Variants in ATP6V1C2 observed in about 807,000 individuals in gnomAD.
ATP6V1C2 encodes the protein V-type proton ATPase subunit C 2.
In ATP6V1C2, 45 loss-of-function variants were observed where a neutral mutation model predicts 56.8. That is an observed-to-expected ratio of 0.79 (90% confidence interval 0.62 to 1.02). The LOEUF is 1.02. Ranked by LOEUF, ATP6V1C2 falls within the 50% of genes least tolerant of loss-of-function variation. The pLI, the probability that ATP6V1C2 is intolerant of heterozygous loss-of-function variation, is 0.00. For missense variants in ATP6V1C2, 463 were observed against 519.7 expected, an observed-to-expected ratio of 0.89 and a Z score of 1.06; for synonymous variants, 220 against 201.3, an observed-to-expected ratio of 1.09 and a Z score of -0.79.
rs1219788802 is a variant in ATP6V1C2, at chr2:10,780,383, C to T, written c.1061+1714C>T. On this transcript the variant is annotated intron_variant, in intron 12 of 13. Coordinates refer to ENST00000272238, the MANE Select transcript of ATP6V1C2 (RefSeq NM_001039362.2). This position sits in a 1 kb window ranked among gnomAD's most constrained non-coding sequence, Gnocchi z 4.1. ...CATAAGCCTCCTCTCTGTTCTTGGC[C>T]TCCAATTCCCCTTCCATGTGGCTGT... 1.3e-5 allele frequency among the ~76,000 whole-genome samples: 2 copies of T among 152,210 alleles called. No individual in the cohort carries two copies. Among genetic ancestry groups the T allele is most frequent in the Non-Finnish European group, 2.9e-5 (2 of 68,034 alleles).
At chr2:10,735,787 T>C (rs1271014232) in intron 3 of ATP6V1C2, among the ~76,000 whole-genome samples, 2 of 151,076 alleles carry the variant, frequency 1.3e-5, no homozygotes, top group African/African-American at 2.4e-5. Flanking sequence ...GGGGTCTCTT[T>C]ATGTTGCCCA....
chr2:10,749,695 A>T (rs1266394426), intron 3 of ATP6V1C2, among the ~76,000 whole-genome samples: 1 of 152,128 alleles, frequency 6.6e-6, no homozygotes, highest in Non-Finnish European at 1.5e-5. Flanking sequence ...TTCCTTAGCA[A>T]CTTATTTTTT....
chr2:10,747,778 C>G (rs1663001455), intron 3 of ATP6V1C2, among the ~76,000 whole-genome samples: 1 of 152,050 alleles, frequency 6.6e-6, no homozygotes, highest in African/African-American at 2.4e-5. Context: ...AGATGGCTTC[C>G]TGTCTTCTGT....
chr2:10,778,965 C>T (rs1388762794), intron 12 of ATP6V1C2, among the ~76,000 whole-genome samples: 1 of 152,342 alleles, frequency 6.6e-6, no homozygotes, highest in South Asian at 2.1e-4. Flanking sequence ...CTGTCCCCAC[C>T]CTCGTGAAGC....
rs1296906721 is a variant in ATP6V1C2, at chr2:10,784,960, C to G, written c.*1697C>G. The G allele has an allele frequency of 4.4e-6, 7 of 1,591,046 alleles. No homozygotes were observed. Among genetic ancestry groups the G allele is most frequent in the African/African-American group, 2.7e-5 (2 of 74,546 alleles). ...TCGCCATCCCTGCCGTCCCAAGGCT[C>G]TCTCTCAACGATGGTAGGGAAAGCC... is the stretch of plus-strand genomic sequence containing the variant. On this transcript the variant is annotated 3_prime_UTR_variant, in exon 14 of 14. Transcript: ENST00000272238.
In ATP6V1C2 at chr2:10,743,981, CA is replaced by C. The variant is rs61311440; in HGVS notation, c.198-9984del. The stretch of plus-strand genomic sequence containing the variant: ...CCTGGGCAACAGCGAGATTCAGTCT[CA>C]AAAAAAAAAAAAAAATAATAATAAT... On this transcript the variant is annotated intron_variant, in intron 3 of 13. Coordinates refer to ENST00000272238, the MANE Select transcript of ATP6V1C2 (RefSeq NM_001039362.2). Among the ~76,000 whole-genome samples, 715 of 90,696 alleles carry C rather than the reference CA, an allele frequency of 7.9e-3. 10 individuals are homozygous for C. Among genetic ancestry groups the C allele is most frequent in the African/African-American group, 0.021 (673 of 31,512 alleles). 59.5% of individuals were successfully genotyped at this position (90,696 alleles called of 152,430 possible). A position where few individuals can be genotyped will look rare whatever the true frequency, so the allele number is the denominator to read the frequency against.
intron 3 of ATP6V1C2, among the ~76,000 whole-genome samples, chr2:10,740,586 C>G (rs1333457455): frequency 6.6e-6 from 1 of 152,142 alleles, no homozygotes; most frequent in Admixed American, 6.6e-5. Context: ...GGGGGATTGC[C>G]CAGTGATTCC....
At chr2:10,770,268 C>T (rs1438044578) in intron 6 of ATP6V1C2, among the ~76,000 whole-genome samples, 1 of 152,032 alleles carries the variant, frequency 6.6e-6, no homozygotes, top group African/African-American at 2.4e-5. Flanking sequence ...CGTCATGGTG[C>T]GTGCCTGTAA....
At chr2:10,779,831 T>G (rs6714903) in intron 12 of ATP6V1C2, among the ~76,000 whole-genome samples, 23,382 of 151,684 alleles carry the variant, frequency 0.15, 2,510 homozygotes, top group African/African-American at 0.3. Context: ...TAGGTGTAGG[T>G]TTTGTTGTTT....
chr2:10,740,656 C>G (rs912191978), intron 3 of ATP6V1C2, among the ~76,000 whole-genome samples: 1 of 152,106 alleles, frequency 6.6e-6, no homozygotes, highest in African/African-American at 2.4e-5. Flanking sequence ...GAGTTCAGGT[C>G]CTCCTTACCT....
At position 10,784,771 on chromosome 2, in the gene ATP6V1C2, TAAGG is replaced by T. The variant is rs943199817; in HGVS notation, c.*1512_*1515del. 27 of 584,034 alleles carry T rather than the reference TAAGG, an allele frequency of 4.6e-5. No individual in the cohort carries two copies. The highest frequency in any genetic ancestry group is 4.5e-4 in the African/African-American group (24 of 53,198). The allele number at this position is 584,034 out of a possible 1,614,324, so 36.2% of individuals were successfully genotyped here. On this transcript the variant is annotated 3_prime_UTR_variant, in exon 14 of 14. Transcript: ENST00000272238. ...TGCCATGCAGCACTTAAACTTGTGA[TAAGG>T]AAGATGAAGGGTCTTCAGAGAAGAA...
chr2:10,778,620 G>A lies in ATP6V1C2; in HGVS notation c.1012G>A (p.Ala338Thr), dbSNP rs757384282. 1 of 1,614,086 alleles carries A rather than the reference G, an allele frequency of 6.2e-7. No individual in the cohort carries two copies. Among genetic ancestry groups the A allele is most frequent in the African/African-American group, 1.3e-5 (1 of 74,926 alleles). ...GGTGAACTTCAGTGAAGCCTTCATT[G>A]CCTGGATCCACATCAAGGCCCTGAG... The part of the protein sequence containing the change: ...LKVNFSEAFI[A>T]WIHIKALRVF... The change falls in exon 12 of 14, where the codon GCC becomes ACC. Residue 338 changes from alanine to threonine, a missense_variant. Ala to Thr is a moderately conservative substitution (Grantham distance 58). Transcript: ENST00000272238.
intron 4 of ATP6V1C2, among the ~76,000 whole-genome samples, chr2:10,760,351 A>T (rs982124341): frequency 6.6e-6 from 1 of 151,862 alleles, no homozygotes; most frequent in African/African-American, 2.4e-5. Flanking sequence ...AGCCTGGGCG[A>T]CAGAACGAGA....
At position 10,782,288 on chromosome 2, in the gene ATP6V1C2, T is replaced by C; in HGVS notation, c.1107T>C (p.His369=). Residue 369 remains histidine (H), a synonymous_variant, in exon 13 of 14, where the codon CAT becomes CAC. Coordinates refer to ENST00000272238, the MANE Select transcript of ATP6V1C2 (RefSeq NM_001039362.2). ...VNFQAVLLQP[H]KKSSTKRLRE... is the part of the protein sequence containing the mutation. ...TCCAGGCAGTGCTCCTGCAGCCGCA[T>C]AAGAAGTCATCCACCAAGCGTTTAA... 6.2e-7 allele frequency: 1 copy of C among 1,614,244 alleles called. No homozygotes were observed. The highest frequency in any genetic ancestry group is 8.5e-7 in the Non-Finnish European group (1 of 1,180,040).
intron 10 of ATP6V1C2, 28 bp from the exon 11 acceptor site, chr2:10,777,557 G>A (rs1665074893): frequency 6.2e-7 from 1 of 1,600,592 alleles, no homozygotes; most frequent in African/African-American, 1.3e-5. Flanking sequence ...TTTGCTGAAA[G>A]ATTAATAAAT....
intron 4 of ATP6V1C2, among the ~76,000 whole-genome samples, chr2:10,760,366 T>C (rs1327369441): frequency 6.6e-6 from 1 of 151,538 alleles, no homozygotes; most frequent in Non-Finnish European, 1.5e-5. Context: ...ACGAGATCCA[T>C]TTCAAAAAAA....
chr2:10,772,731 C>T, intron 8 of ATP6V1C2, 121 bp downstream of exon 8: 1 of 838,304 alleles, frequency 1.2e-6, no homozygotes, highest in Non-Finnish European at 2.0e-6. Flanking sequence ...CACCTGGGCC[C>T]TCTCCTGTCC....
chr2:10,782,772 A>C lies in ATP6V1C2; in HGVS notation c.1194+397A>C, dbSNP rs1162928303. On this transcript the variant is annotated intron_variant, in intron 13 of 13. Coordinates refer to ENST00000272238, the MANE Select transcript of ATP6V1C2 (RefSeq NM_001039362.2). ...CTTGAACCTGGGAGGCGGAGGTTGC[A>C]GTGAGCTGAGATCACGCCACTACAC... is the stretch of plus-strand genomic sequence containing the variant. Among the ~76,000 whole-genome samples, 4 of 136,770 alleles carry C rather than the reference A, an allele frequency of 2.9e-5. No individual in the cohort carries two copies. In the East Asian group the frequency reaches 7.3e-4, roughly 25 times the overall value. The allele number at this position is 136,770 out of a possible 152,430, so 89.7% of individuals were successfully genotyped here. A position where few individuals can be genotyped will look rare whatever the true frequency, so the allele number is the denominator to read the frequency against.
chr2:10,745,969 C>T (rs1371961069), intron 3 of ATP6V1C2, among the ~76,000 whole-genome samples: 1 of 152,172 alleles, frequency 6.6e-6, no homozygotes. Flanking sequence ...ACTAGTGCCG[C>T]ATCGTATGGA....
Sources: gnomAD v4.1 joint callset for allele counts (sites outside exome capture counted in the v4.1 genomes callset) on GRCh38, gnomAD v4.1.1 for gene constraint, Gnocchi (gnomAD v3.1) non-coding constraint, MANE v1.5 for transcripts, NCBI Gene and HGNC (gene_info 2026-07-23, HGNC 2026-07-21) for gene names.